MYCT1: variants seen among roughly 807,000 people sequenced by gnomAD.
MYCT1 encodes myc target protein 1.
MYCT1 carries 12 observed loss-of-function variants against 15.0 expected under a neutral mutation model. The observed-to-expected ratio is 0.80, with a 90% CI of 0.51 to 1.29. MYCT1 has a LOEUF of 1.29. Among genes scored for constraint, MYCT1 ranks in the 50% most tolerant of loss-of-function variants. The pLI is 0.00. For synonymous variants in MYCT1, 104 were observed against 102.7 expected (o/e 1.01, Z -0.07); for missense variants, 287 against 279.1 (o/e 1.03, Z -0.20).
downstream of MYCT1, among the ~76,000 whole-genome samples, chr6:152,729,061 G>T (rs771395422): frequency 2.4e-4 from 37 of 152,268 alleles, no homozygotes; most frequent in Non-Finnish European, 4.9e-4. Flanking sequence ...TGAGTTAAGT[G>T]GACAAAACTG....
At chr6:152,701,621 G>A (rs1343794790) in intron 1 of MYCT1, among the ~76,000 whole-genome samples, 2 of 151,460 alleles carry the variant, frequency 1.3e-5, no homozygotes, top group African/African-American at 4.9e-5. Flanking sequence ...TTGGAGAGGG[G>A]GGACCTTTGT....
downstream of MYCT1, among the ~76,000 whole-genome samples, chr6:152,726,134 C>T (rs952542155): frequency 2.0e-5 from 3 of 152,118 alleles, no homozygotes; most frequent in Admixed American, 1.3e-4. Flanking sequence ...CGGTGGCTCA[C>T]GCCTGTAATC....
At chr6:152,705,874 T>C (rs2099722171) in intron 1 of MYCT1, 4 of 733,108 alleles carry the variant, frequency 5.5e-6, no homozygotes, top group Non-Finnish European at 9.9e-6. Context: ...AGATCTTTGA[T>C]TGTTGAGAAA....
rs766974288 is a variant in MYCT1, at chr6:152,722,469, C to T, written c.*216C>T. The T allele has an allele frequency of 4.0e-5, 20 of 503,580 alleles. No homozygotes were observed. Among genetic ancestry groups the T allele is most frequent in the Non-Finnish European group, 5.5e-5 (16 of 291,648 alleles). The allele number at this position is 503,580 out of a possible 1,614,324, so 31.2% of individuals were successfully genotyped here. ...AAAAAATGTAATATTTTCCCCCAAG[C>T]GTTTTATATTTATGTATTTTGTATT... On this transcript the variant is annotated 3_prime_UTR_variant, in exon 2 of 2. Coordinates refer to ENST00000367245, the MANE Select transcript of MYCT1 (RefSeq NM_025107.3).
At chr6:152,732,148 A>G in the MYCT1 span, among the ~76,000 whole-genome samples, 1 of 152,138 alleles carries the variant, frequency 6.6e-6, no homozygotes, top group Admixed American at 6.5e-5. Context: ...TGTTTTTTAT[A>G]TTTGCTTTTG....
the MYCT1 span, among the ~76,000 whole-genome samples, chr6:152,737,353 AAATT>A: frequency 6.6e-6 from 1 of 151,932 alleles, no homozygotes. Flanking sequence ...GTTTATATAT[AAATT>A]AAGATTTAGT....
downstream of MYCT1, among the ~76,000 whole-genome samples, chr6:152,724,898 T>A (rs1043833820): frequency 2.0e-5 from 3 of 151,838 alleles, no homozygotes; most frequent in African/African-American, 7.2e-5. Context: ...ATTATTTATT[T>A]AAAACATGAA....
chr6:152,742,906 T>A, the MYCT1 span, among the ~76,000 whole-genome samples: 1 of 152,174 alleles, frequency 6.6e-6, no homozygotes, highest in Non-Finnish European at 1.5e-5. Context: ...ATTTCCTTAG[T>A]AAGAAAAATG....
chr6:152,717,041 T>G (rs1355481867), intron 1 of MYCT1, among the ~76,000 whole-genome samples: 1 of 152,160 alleles, frequency 6.6e-6, no homozygotes, highest in Non-Finnish European at 1.5e-5. Flanking sequence ...CAAAATACAT[T>G]GTCAAAAGTC....
chr6:152,745,304 A>G, the MYCT1 span, among the ~76,000 whole-genome samples: 1 of 152,092 alleles, frequency 6.6e-6, no homozygotes, highest in African/African-American at 2.4e-5. Flanking sequence ...TGTTTTTAAA[A>G]ATGTTTACCT....
At chr6:152,718,951 G>C (rs2099724219) in intron 1 of MYCT1, among the ~76,000 whole-genome samples, 1 of 151,970 alleles carries the variant, frequency 6.6e-6, no homozygotes, top group Non-Finnish European at 1.5e-5. Context: ...TTGAGTATTT[G>C]TCTTCTCATT....
rs1439224665 is a variant in MYCT1, at chr6:152,722,712, A to G, written c.*459A>G. ...CTTTCTTTAGAATGACAAGTGAATC[A>G]TATTGACATTTTACAATCTTAGATT... On this transcript the variant is annotated 3_prime_UTR_variant, in exon 2 of 2. Coordinates refer to ENST00000367245, the MANE Select transcript of MYCT1 (RefSeq NM_025107.3). The G allele has an allele frequency of 5.4e-6, 2 of 368,758 alleles. No individual in the cohort carries two copies. Among genetic ancestry groups the G allele is most frequent in the African/African-American group, 2.1e-5 (1 of 46,624 alleles). 22.8% of individuals were successfully genotyped at this position (368,758 alleles called of 1,614,324 possible). A position where few individuals can be genotyped will look rare whatever the true frequency, so the allele number is the denominator to read the frequency against.
At chr6:152,737,348 T>C in the MYCT1 span, among the ~76,000 whole-genome samples, 2 of 151,960 alleles carry the variant, frequency 1.3e-5, no homozygotes, top group African/African-American at 4.8e-5. Flanking sequence ...TGTGTGTTTA[T>C]ATATAAATTA....
the MYCT1 span, among the ~76,000 whole-genome samples, chr6:152,734,078 G>C: frequency 2.0e-5 from 3 of 152,110 alleles, no homozygotes; most frequent in Non-Finnish European, 2.9e-5. Context: ...GAATACTGTG[G>C]TGATTTCTCC....
At chr6:152,730,087 T>A in the MYCT1 span, among the ~76,000 whole-genome samples, 3 of 152,242 alleles carry the variant, frequency 2.0e-5, no homozygotes, top group African/African-American at 7.2e-5. Context: ...TTTTAAAACT[T>A]GTATTTTTCT....
At chr6:152,731,803 A>G in the MYCT1 span, among the ~76,000 whole-genome samples, 45 of 148,438 alleles carry the variant, frequency 3.0e-4, no homozygotes, top group Non-Finnish European at 5.9e-5. Flanking sequence ...GCTGGAGTGC[A>G]GTGGCGCGAT....
chr6:152,699,266 G>A (rs9397115), intron 1 of MYCT1, among the ~76,000 whole-genome samples: 19,434 of 151,584 alleles, frequency 0.13, 1,714 homozygotes, highest in East Asian at 0.32. Flanking sequence ...AAAAATGTGG[G>A]GACAAATATT....
chr6:152,732,307 A>C, the MYCT1 span, among the ~76,000 whole-genome samples: 2 of 152,216 alleles, frequency 1.3e-5, no homozygotes, highest in African/African-American at 2.4e-5. Flanking sequence ...AAAAATTAAA[A>C]GTCATGCAAA....
chr6:152,709,309 G>A (rs1353624053), intron 1 of MYCT1, among the ~76,000 whole-genome samples: 39 of 27,432 alleles, frequency 1.4e-3, no homozygotes, highest in African/African-American at 3.8e-3. Flanking sequence ...GAATAGTGCC[G>A]CAATAAACAT....
Sources: allele counts gnomAD v4.1 joint callset (sites outside exome capture counted in the v4.1 genomes callset), GRCh38; gene constraint gnomAD v4.1.1; transcripts MANE v1.5; gene names NCBI Gene and HGNC (gene_info 2026-07-23, HGNC 2026-07-21).